Variants in LMO3 observed in about 807,000 individuals in gnomAD.
LMO3 encodes the protein LIM domain only 3.
In LMO3, 2 loss-of-function variants were observed where a neutral mutation model predicts 15.8. The observed-to-expected ratio is 0.13, with a 90% confidence interval of 0.05 to 0.40. The LOEUF (loss-of-function observed/expected upper bound fraction) is 0.40, where lower values mean the gene tolerates loss of function less well. LMO3 is among the 10% of genes least tolerant of loss of function. The pLI is 0.99. For missense variants in LMO3, 86 were observed against 182.2 expected (o/e 0.47, Z 3.04); for synonymous variants, 62 against 63.8 (o/e 0.97, Z 0.13).
intron 2 of LMO3, among the ~76,000 whole-genome samples, chr12:16,581,670 T>C (rs1028281589): frequency 7.9e-5 from 12 of 152,298 alleles, no homozygotes; most frequent in African/African-American, 1.7e-4. Context: ...ATCAGTCTCA[T>C]TGAGATTTTT....
At chr12:16,608,565 T>C (rs1281682371), upstream of LMO3, 1 of 152,230 alleles carries the variant, frequency 6.6e-6, no homozygotes, top group Non-Finnish European at 1.5e-5. This position sits in a 1 kb window ranked among gnomAD's most constrained non-coding sequence, Gnocchi z 4.1. Context: ...TTAACCACTT[T>C]GTCACCTTTT....
intron 2 of LMO3, among the ~76,000 whole-genome samples, chr12:16,575,825 C>A (rs1942976252): frequency 7.8e-6 from 1 of 127,846 alleles, no homozygotes; most frequent in South Asian, 2.6e-4. Context: ...AAATTCTTCA[C>A]TTTCTACTCA....
chr12:16,568,959 G>A (rs1942715794), intron 2 of LMO3, among the ~76,000 whole-genome samples: 1 of 152,020 alleles, frequency 6.6e-6, no homozygotes, highest in Non-Finnish European at 1.5e-5. Context: ...TTTCTAACTT[G>A]AAACTTAAAA....
chr12:16,576,274 G>A lies in LMO3; in HGVS notation c.207-15736C>T, dbSNP rs959986197. Reference sequence around the variant, plus strand: ...AGGATAGATGCAGGGAAGCATGAAAGGTCCATCCTGTCTGTCTTCTTTTCT... The same window carrying A: ...AGGATAGATGCAGGGAAGCATGAAAAGTCCATCCTGTCTGTCTTCTTTTCT... On this transcript the variant is annotated intron_variant, in intron 2 of 3. Coordinates refer to ENST00000537304, the MANE Select transcript of LMO3 (RefSeq NM_018640.5). The surrounding 1 kb of genome is among the most constrained non-coding windows in gnomAD (Gnocchi z 4.1). Among the ~76,000 whole-genome samples, 1 of 152,080 alleles carries A rather than the reference G, an allele frequency of 6.6e-6. No individual in the cohort carries two copies. Among genetic ancestry groups the A allele is most frequent in the Non-Finnish European group, 1.5e-5 (1 of 68,016 alleles).
Position 16,598,122 on chromosome 12 carries a change from TAC to T in LMO3, c.206+2531_206+2532del, listed in dbSNP as rs892320168. 15 of 152,206 alleles carry T rather than the reference TAC, an allele frequency of 9.9e-5. No homozygotes were observed. The highest frequency in any genetic ancestry group is 3.6e-4 in the African/African-American group (15 of 41,576). The allele number at this position is 152,206 out of a possible 1,614,324, so 9.4% of individuals were successfully genotyped here. A position where few individuals can be genotyped will look rare whatever the true frequency, so the allele number is the denominator to read the frequency against. On this transcript the variant is annotated intron_variant, in intron 2 of 3. Coordinates refer to ENST00000537304, the MANE Select transcript of LMO3 (RefSeq NM_018640.5). This position sits in a 1 kb window ranked among gnomAD's most constrained non-coding sequence, Gnocchi z 4.3. ...CTTGACTATATTTGTTGATTTACCA[TAC>T]AGAATCAGACTATTTTAATTTGCCA...
Position 16,600,855 on chromosome 12 carries a change from G to A in LMO3, c.6C>T (p.Leu2=), listed in dbSNP as rs143810230. 9.3e-6 allele frequency: 15 copies of A among 1,613,836 alleles called. No individual in the cohort carries two copies. Among genetic ancestry groups the A allele is most frequent in the African/African-American group, 1.3e-5 (1 of 74,918 alleles). The change falls in exon 2 of 4, where the codon CTC becomes CTT. Residue 2 remains leucine, a synonymous_variant. Coordinates refer to ENST00000537304, the MANE Select transcript of LMO3 (RefSeq NM_018640.5). M[L]SVQPDTKPKG... is the part of the protein sequence containing the mutation. ...TCGGCTTGGTGTCTGGCTGGACTGA[G>A]AGCATTTGTATACCTAAAGGAAGAC...
intron 2 of LMO3, among the ~76,000 whole-genome samples, chr12:16,578,725 G>A (rs1943068233): frequency 6.6e-6 from 1 of 152,006 alleles, no homozygotes; most frequent in African/African-American, 2.4e-5. Flanking sequence ...GGCTGAGGCA[G>A]GAGAATTCCT....
rs984604130 is a variant in LMO3 at position 16,587,596 on chromosome 12, T to C, written c.206+13059A>G. 3.3e-5 allele frequency among the ~76,000 whole-genome samples: 5 copies of C among 152,138 alleles called. No individual in the cohort carries two copies. Among genetic ancestry groups the C allele is most frequent in the African/African-American group, 9.7e-5 (4 of 41,448 alleles). On this transcript the variant is annotated intron_variant, in intron 2 of 3. Coordinates refer to ENST00000537304, the MANE Select transcript of LMO3 (RefSeq NM_018640.5). This position sits in a 1 kb window ranked among gnomAD's most constrained non-coding sequence, Gnocchi z 4.3. ...CCCTTGGTGTTAAATTTTCTTAAATTGTATTTCTGTCAGTGTATCATTTTT... is the reference window on the plus strand; with the variant it reads ...CCCTTGGTGTTAAATTTTCTTAAATCGTATTTCTGTCAGTGTATCATTTTT...
At chr12:16,606,179 A>C, upstream of LMO3, 1 of 212,838 alleles carries the variant, frequency 4.7e-6, no homozygotes, top group East Asian at 1.1e-4. Context: ...AAAAAAAAAG[A>C]CGGGGGAGGG....
chr12:16,600,291 CAAA>C (rs35993210), intron 2 of LMO3: 299 of 69,620 alleles, frequency 4.3e-3, no homozygotes, highest in South Asian at 0.017. Flanking sequence ...CCTTAAGCTC[CAAA>C]AAAAAAAAAA....
At position 16,555,838 on chromosome 12, in the gene LMO3, C is replaced by T. The variant is rs1479732856; in HGVS notation, c.333-4511G>A. 6.6e-6 allele frequency among the ~76,000 whole-genome samples: 1 copy of T among 152,128 alleles called. No homozygotes were observed. Among genetic ancestry groups the T allele is most frequent in the Non-Finnish European group, 1.5e-5 (1 of 68,004 alleles). On this transcript the variant is annotated intron_variant, in intron 3 of 3. Coordinates refer to ENST00000537304, the MANE Select transcript of LMO3 (RefSeq NM_018640.5). This position sits in a 1 kb window ranked among gnomAD's most constrained non-coding sequence, Gnocchi z 5.5. ...TGCTCCCTGGCTCCCTCATCTTCCC[C>T]AACCCCGAGCAGACACACTTCCTGT...
chr12:16,602,266 C>T (rs546701874), intron 1 of LMO3: 1 of 152,350 alleles, frequency 6.6e-6, no homozygotes, highest in South Asian at 2.1e-4. Flanking sequence ...AGCTAAACCT[C>T]CTCCAGTTTC....
intron 3 of LMO3, among the ~76,000 whole-genome samples, chr12:16,556,221 T>C (rs1361831869): frequency 1.3e-5 from 2 of 152,234 alleles, no homozygotes; most frequent in African/African-American, 4.8e-5. Flanking sequence ...TTGTGTTTTC[T>C]AAGGAGAAGG....
intron 2 of LMO3, among the ~76,000 whole-genome samples, chr12:16,564,453 C>A (rs766126097): frequency 1.3e-5 from 2 of 152,180 alleles, no homozygotes; most frequent in African/African-American, 2.4e-5. Context: ...AACGTTCCTG[C>A]GGACTGGGGG....
At chr12:16,570,133 G>A (rs1246857276) in intron 2 of LMO3, among the ~76,000 whole-genome samples, 1 of 152,084 alleles carries the variant, frequency 6.6e-6, no homozygotes, top group Admixed American at 6.6e-5. Flanking sequence ...CATAATAAAA[G>A]CTTTTAAGAA....
At chr12:16,594,961 A>G (rs537761145) in intron 2 of LMO3, among the ~76,000 whole-genome samples, 5 of 151,632 alleles carry the variant, frequency 3.3e-5, no homozygotes, top group South Asian at 4.1e-4. Flanking sequence ...AATAGAAATT[A>G]TTTCCCAGAA....
chr12:16,602,532 T>C (rs1457253232), intron 1 of LMO3, among the ~76,000 whole-genome samples: 1 of 152,252 alleles, frequency 6.6e-6, no homozygotes, highest in Non-Finnish European at 1.5e-5. Flanking sequence ...ATCATAAGCA[T>C]AGCTGTAGTC....
At chr12:16,606,769 G>T (rs992618315), upstream of LMO3, 1 of 152,178 alleles carries the variant, frequency 6.6e-6, no homozygotes, top group East Asian at 1.9e-4. Flanking sequence ...GGACAAACCC[G>T]CACACAAAAT....
upstream of LMO3, chr12:16,608,256 G>A (rs1160151396): frequency 6.6e-6 from 1 of 152,106 alleles, no homozygotes; most frequent in Non-Finnish European, 1.5e-5. The surrounding 1 kb of genome is among the most constrained non-coding windows in gnomAD (Gnocchi z 4.1). Context: ...TGTGGGGAAA[G>A]GGAGAAATAA....
Sources: gnomAD v4.1 joint callset for allele counts (sites outside exome capture counted in the v4.1 genomes callset) on GRCh38, gnomAD v4.1.1 for gene constraint, Gnocchi (gnomAD v3.1) non-coding constraint, MANE v1.5 for transcripts, NCBI Gene and HGNC (gene_info 2026-07-23, HGNC 2026-07-21) for gene names.